Variants in PRUNE2 observed in about 807,000 individuals in gnomAD.
PRUNE2 encodes the protein prune homolog 2 with BCH domain, also known as protein prune homolog 2.
A neutral mutation model predicts 252.0 loss-of-function variants in PRUNE2; 164 were observed. The observed-to-expected ratio is 0.65, with a 90% CI of 0.57 to 0.74. PRUNE2 has a LOEUF of 0.74. Among genes scored for constraint, PRUNE2 ranks in the 30% least tolerant of loss-of-function variants. The pLI is 0.00. For missense variants in PRUNE2, 3,495 were observed against 3,711.0 expected (o/e 0.94, Z 1.51); for synonymous variants, 1,292 against 1,350.2 (o/e 0.96, Z 0.94).
At chr9:76,827,215 G>T (rs976857870) in intron 4 of PRUNE2, among the ~76,000 whole-genome samples, 1 of 151,988 alleles carries the variant, frequency 6.6e-6, no homozygotes, top group Non-Finnish European at 1.5e-5. Flanking sequence ...ATAATCCCAC[G>T]GTCAACAGCT....
intron 6 of PRUNE2, among the ~76,000 whole-genome samples, chr9:76,730,672 C>T (rs906656646): frequency 5.3e-5 from 8 of 152,200 alleles, no homozygotes; most frequent in Non-Finnish European, 8.8e-5. Flanking sequence ...GAGGCCAAGG[C>T]GGGCAGATCA....
intron 9 of PRUNE2, among the ~76,000 whole-genome samples, chr9:76,700,883 G>A (rs2045828098): frequency 1.3e-5 from 2 of 152,186 alleles, no homozygotes; most frequent in South Asian, 4.1e-4. Flanking sequence ...AGCGCAGAGT[G>A]CTTAACACCT....
At chr9:76,687,428 G>C (rs1222651843) in intron 9 of PRUNE2, among the ~76,000 whole-genome samples, 1 of 152,144 alleles carries the variant, frequency 6.6e-6, no homozygotes, top group African/African-American at 2.4e-5. Context: ...TTTCATCTTG[G>C]GTTTGAGCAG....
chr9:76,682,362 CTTT>C (rs34870489), intron 9 of PRUNE2, among the ~76,000 whole-genome samples: 1 of 136,100 alleles, frequency 7.3e-6, no homozygotes. Flanking sequence ...TCACTATTAA[CTTT>C]TTTTTTTTTT....
rs1478908870 is a variant in PRUNE2 at position 76,709,241 on chromosome 9, AG to A, written c.3032del (p.Pro1011LeufsTer20). 6.5e-7 allele frequency: 1 copy of A among 1,532,038 alleles called. No individual in the cohort carries two copies. The highest frequency in any genetic ancestry group is 1.2e-5 in the South Asian group (1 of 86,634). The allele number at this position is 1,532,038 out of a possible 1,614,324, so 94.9% of individuals were successfully genotyped here. A position where few individuals can be genotyped will look rare whatever the true frequency, so the allele number is the denominator to read the frequency against. Reference sequence around the variant, plus strand: ...GAGATGACTGTTGCAGTGACTGAGGAGGAATGTCAGTCTCCTCTGCCGTGGA... The same window carrying A: ...GAGATGACTGTTGCAGTGACTGAGGAGAATGTCAGTCTCCTCTGCCGTGGA... ...GNSTAEETDI[P>X]PQSLQQSSRN... On this transcript the variant is annotated frameshift_variant, in exon 8 of 19. Transcript: ENST00000376718. LOFTEE classifies it high-confidence loss of function.
At chr9:76,697,538 A>G (rs1305856326) in intron 9 of PRUNE2, among the ~76,000 whole-genome samples, 1 of 152,212 alleles carries the variant, frequency 6.6e-6, no homozygotes, top group Non-Finnish European at 1.5e-5. Flanking sequence ...CCAGTAGGTC[A>G]CAAGACAGTC....
At chr9:76,884,185 C>A (rs1200303235) in intron 1 of PRUNE2, among the ~76,000 whole-genome samples, 1 of 152,114 alleles carries the variant, frequency 6.6e-6, no homozygotes, top group Non-Finnish European at 1.5e-5. Flanking sequence ...GTTATAGTTC[C>A]TAAGGAAGTG....
At position 76,876,229 on chromosome 9, in the gene PRUNE2, A is replaced by C. The variant is rs1253369335; in HGVS notation, c.37-22021T>G. ...ATAAAAATACACAATGAATAAGCAG[A>C]ACTCAAAATTTCTCTGGATTTGACT... On this transcript the variant is annotated intron_variant, in intron 1 of 18. Coordinates refer to ENST00000376718, the MANE Select transcript of PRUNE2 (RefSeq NM_015225.3). 2.6e-5 allele frequency among the ~76,000 whole-genome samples: 4 copies of C among 152,330 alleles called. No individual in the cohort carries two copies. In the East Asian group the frequency reaches 7.7e-4, roughly 29 times the overall value.
chr9:76,798,598 C>T (rs1413833194), intron 6 of PRUNE2, among the ~76,000 whole-genome samples: 1 of 151,910 alleles, frequency 6.6e-6, no homozygotes, highest in Non-Finnish European at 1.5e-5. Context: ...CATGGATGAA[C>T]AATCAAATAT....
chr9:76,722,769 T>C (rs1454157532), intron 6 of PRUNE2, among the ~76,000 whole-genome samples: 1 of 152,176 alleles, frequency 6.6e-6, no homozygotes, highest in East Asian at 1.9e-4. Flanking sequence ...GAAGGTTAAG[T>C]AACTGATGCC....
rs925810839 is a variant in PRUNE2 at position 76,708,640 on chromosome 9, C to G, written c.3634G>C (p.Gly1212Arg). 6.8e-6 allele frequency: 11 copies of G among 1,613,828 alleles called. No individual in the cohort carries two copies. Among genetic ancestry groups the G allele is most frequent in the Non-Finnish European group, 8.5e-6 (10 of 1,179,898 alleles). ...CAAATACTGTTTGCAATTAGCTGCC[C>G]ACTTTTCTCATTCAATGTGTGATGT... ...SEHHTLNEKS[G>R]QLIANSIWDS... is the part of the protein sequence containing the mutation. Residue 1212 changes from glycine to arginine, a missense_variant, in exon 8 of 19, where the codon GGG (glycine) becomes CGG (arginine). Transcript: ENST00000376718.
chr9:76,801,128 C>G (rs1471074666), intron 6 of PRUNE2, among the ~76,000 whole-genome samples: 1 of 152,164 alleles, frequency 6.6e-6, no homozygotes, highest in Non-Finnish European at 1.5e-5. Flanking sequence ...TGAATAAAAG[C>G]TATTAACCAA....
chr9:76,758,313 C>T (rs2051350303), intron 6 of PRUNE2, among the ~76,000 whole-genome samples: 1 of 152,086 alleles, frequency 6.6e-6, no homozygotes, highest in Admixed American at 6.6e-5. Context: ...CCCTCCTGTC[C>T]AGCCATGGGT....
At chr9:76,670,903 C>T (rs2041311784) in intron 9 of PRUNE2, among the ~76,000 whole-genome samples, 1 of 151,982 alleles carries the variant, frequency 6.6e-6, no homozygotes, top group African/African-American at 2.4e-5. Context: ...CCCATCTGTA[C>T]ATCACCATCA....
At chr9:76,793,078 G>A (rs1374592748) in intron 6 of PRUNE2, among the ~76,000 whole-genome samples, 1 of 152,322 alleles carries the variant, frequency 6.6e-6, no homozygotes. Context: ...AGTCTATTAT[G>A]CCATGTGGGG....
chr9:76,660,114 C>G (rs1319893310), intron 9 of PRUNE2, among the ~76,000 whole-genome samples: 1 of 151,990 alleles, frequency 6.6e-6, no homozygotes, highest in East Asian at 1.9e-4. Context: ...CCACAGGTGC[C>G]AGAAATAAAG....
chr9:76,703,286 T>C, intron 9 of PRUNE2, 51 bp downstream of exon 9: 2 of 1,493,542 alleles, frequency 1.3e-6, no homozygotes, highest in Non-Finnish European at 1.8e-6. Context: ...TTCCCAGGTT[T>C]CTAAATAAAT....
intron 7 of PRUNE2, among the ~76,000 whole-genome samples, chr9:76,711,768 T>A (rs190271335): frequency 3.2e-4 from 49 of 152,292 alleles, no homozygotes; most frequent in African/African-American, 1.2e-3. Flanking sequence ...CAGGCTGTTG[T>A]TTGGGAGGGG....
At chr9:76,740,600 G>C (rs2049529751) in intron 6 of PRUNE2, among the ~76,000 whole-genome samples, 2 of 152,114 alleles carry the variant, frequency 1.3e-5, no homozygotes, top group Admixed American at 1.3e-4. Flanking sequence ...TTTGAAATTT[G>C]CATTTGCTTT....
Sources: allele counts gnomAD v4.1 joint callset (sites outside exome capture counted in the v4.1 genomes callset), GRCh38; gene constraint gnomAD v4.1.1; transcripts MANE v1.5; gene names NCBI Gene and HGNC (gene_info 2026-07-23, HGNC 2026-07-21).